ZNF679: variants seen among roughly 807,000 people sequenced by gnomAD.
The protein encoded by ZNF679 is zinc finger protein 679.
Under a neutral mutation model 13.4 loss-of-function variants are expected in ZNF679, and 10 were observed. The ratio of observed to expected loss-of-function variants is 0.75; its 90% CI spans 0.46 to 1.27. ZNF679 has a LOEUF of 1.27. Ranked by LOEUF, ZNF679 falls within the 50% of genes most tolerant of loss-of-function variation. ZNF679 has a pLI of 0.00. For missense variants in ZNF679, 525 were observed against 477.8 expected, an observed-to-expected ratio of 1.10 and a Z score of -0.92; for synonymous variants, 179 against 162.5, an observed-to-expected ratio of 1.10 and a Z score of -0.77.
At chr7:64,265,201 A>G (rs539208813) in intron 4 of ZNF679, among the ~76,000 whole-genome samples, 1 of 152,106 alleles carries the variant, frequency 6.6e-6, no homozygotes, top group African/African-American at 2.4e-5. Context: ...CACGATCTTT[A>G]TAATGCAGCT....
At chr7:64,239,006 C>G (rs1449488788) in intron 1 of ZNF679, among the ~76,000 whole-genome samples, 1 of 152,072 alleles carries the variant, frequency 6.6e-6, no homozygotes, top group Non-Finnish European at 1.5e-5. Context: ...TTATGTCACC[C>G]ATGCATATCC....
At chr7:64,241,950 T>G (rs55815634) in intron 1 of ZNF679, among the ~76,000 whole-genome samples, 1 of 152,220 alleles carries the variant, frequency 6.6e-6, no homozygotes, top group East Asian at 1.9e-4. Context: ...GGATAAGATT[T>G]AAAACCCCAC....
intron 4 of ZNF679, 87 bp from the exon 5 acceptor site, chr7:64,265,809 C>T: frequency 1.4e-6 from 2 of 1,444,018 alleles, no homozygotes; most frequent in Non-Finnish European, 1.8e-6. Flanking sequence ...TGCTAAAGTA[C>T]CTTGTATAAT....
chr7:64,230,262 G>A lies in ZNF679; in HGVS notation c.-91+1610G>A, dbSNP rs529782221. 1.6e-4 allele frequency among the ~76,000 whole-genome samples: 24 copies of A among 152,242 alleles called. No individual in the cohort carries two copies. In the South Asian group the frequency reaches 3.3e-3, roughly 21 times the overall value. On this transcript the variant is annotated intron_variant, in intron 1 of 4. Transcript: ENST00000421025. The stretch of plus-strand genomic sequence containing the variant: ...AGAAAAGGGCCAAGAGGCCGGGCGC[G>A]GTGGCTCACGCCTGTAATCCCAGCA...
chr7:64,230,813 A>T (rs1485525546), intron 1 of ZNF679, among the ~76,000 whole-genome samples: 1 of 152,220 alleles, frequency 6.6e-6, no homozygotes, highest in Non-Finnish European at 1.5e-5. Flanking sequence ...GGTGATCTGG[A>T]TTCCTGCATG....
intron 1 of ZNF679, among the ~76,000 whole-genome samples, chr7:64,231,956 CTA>C (rs1787645314): frequency 6.6e-6 from 1 of 152,212 alleles, no homozygotes; most frequent in South Asian, 2.1e-4. Context: ...TGAGTTGAGT[CTA>C]TGCATGCAAT....
Position 64,260,831 on chromosome 7 carries a change from C to G in ZNF679, c.167-3C>G, listed in dbSNP as rs1195511107. 6.3e-7 allele frequency: 1 copy of G among 1,592,694 alleles called. No individual in the cohort carries two copies. The highest frequency in any genetic ancestry group is 8.5e-7 in the Non-Finnish European group (1 of 1,174,100). On this transcript the variant is annotated splice_region_variant and splice_polypyrimidine_tract_variant and intron_variant, in intron 3 of 4. Coordinates refer to ENST00000421025, the MANE Select transcript of ZNF679 (RefSeq NM_153363.3). ...ATGTTACTTTTTTTTCTTAATAAAACAGGTATTGCTGTCTCTAAGCCAGAC... is the reference window on the plus strand; with the variant it reads ...ATGTTACTTTTTTTTCTTAATAAAAGAGGTATTGCTGTCTCTAAGCCAGAC...
At chr7:64,259,102 G>A (rs973523139) in intron 2 of ZNF679, among the ~76,000 whole-genome samples, 12 of 152,034 alleles carry the variant, frequency 7.9e-5, no homozygotes, top group Non-Finnish European at 1.6e-4. Context: ...AGTAGAGACA[G>A]GGTTTTACCA....
chr7:64,248,930 A>T (rs1206676048), intron 1 of ZNF679, 98 bp from the exon 2 acceptor site: 6 of 842,356 alleles, frequency 7.1e-6, no homozygotes, highest in Non-Finnish European at 1.1e-5. Context: ...TTATCCAATC[A>T]GGGGCCATAT....
At chr7:64,240,695 G>A (rs1787786617) in intron 1 of ZNF679, among the ~76,000 whole-genome samples, 1 of 152,194 alleles carries the variant, frequency 6.6e-6, no homozygotes, top group South Asian at 2.1e-4. Flanking sequence ...AGGTGAGACA[G>A]TGACTCATTT....
chr7:64,255,622 T>A lies in ZNF679; in HGVS notation c.40-4599T>A, dbSNP rs1026236955. On this transcript the variant is annotated intron_variant, in intron 2 of 4. Coordinates refer to ENST00000421025, the MANE Select transcript of ZNF679 (RefSeq NM_153363.3). ...CCCACCCATGATTTTTTTTATTTTT[T>A]TTTTGAGACAGAGTCTTGCTCTGTC... Among the ~76,000 whole-genome samples the A allele has an allele frequency of 3.7e-4, 56 of 151,802 alleles. 2 individuals carry two copies. The highest frequency in any genetic ancestry group is 1.2e-3 in the East Asian group (6 of 5,158).
intron 1 of ZNF679, among the ~76,000 whole-genome samples, chr7:64,230,255 C>G (rs977966990): frequency 1.3e-5 from 2 of 152,110 alleles, no homozygotes; most frequent in African/African-American, 2.4e-5. Context: ...GCCAAGAGGC[C>G]GGGCGCGGTG....
At position 64,266,425 on chromosome 7, in the gene ZNF679, A is replaced by G; in HGVS notation, c.792A>G (p.Gly264=). 14 of 1,613,020 alleles carry G rather than the reference A, an allele frequency of 8.7e-6. No homozygotes were observed. The highest frequency in any genetic ancestry group is 1.2e-5 in the Non-Finnish European group (14 of 1,179,466). Residue 264 remains glycine (G), a synonymous_variant, in exon 5 of 5, where the codon GGA becomes GGG. Transcript: ENST00000421025. ...TLTKHRRIHT[G]EKPYTCEECG... ...CTAAACATAGGAGAATTCATACTGG[A>G]GAAAAACCCTACACATGTGAAGAAT...
At chr7:64,263,117 T>C (rs1788100488) in intron 4 of ZNF679, among the ~76,000 whole-genome samples, 1 of 151,910 alleles carries the variant, frequency 6.6e-6, no homozygotes, top group Non-Finnish European at 1.5e-5. Context: ...TTACACGGGG[T>C]TTCTCACTCT....
chr7:64,262,057 T>C (rs1219682289), intron 4 of ZNF679, among the ~76,000 whole-genome samples: 2 of 152,138 alleles, frequency 1.3e-5, no homozygotes, highest in Non-Finnish European at 2.9e-5. Context: ...GGTTTCACCA[T>C]GTTGGTCAGG....
intron 1 of ZNF679, among the ~76,000 whole-genome samples, chr7:64,236,975 A>AAAG (rs1787733157): frequency 8.6e-4 from 14 of 16,276 alleles, no homozygotes; most frequent in African/African-American, 2.0e-3. Flanking sequence ...GAAAGAAAGA[A>AAAG]AAAGAAAGAA....
intron 2 of ZNF679, among the ~76,000 whole-genome samples, chr7:64,255,006 AAAAAAAAAAAAG>A (rs1787985736): frequency 1.3e-5 from 2 of 149,924 alleles, no homozygotes; most frequent in Admixed American, 6.7e-5. Context: ...TCTCAAAAAA[AAAAAAAAAAAAG>A]AAAAAAAATT....
At chr7:64,259,859 C>T (rs1274882787) in intron 2 of ZNF679, among the ~76,000 whole-genome samples, 1 of 151,430 alleles carries the variant, frequency 6.6e-6, no homozygotes, top group African/African-American at 2.4e-5. Flanking sequence ...ACCCAGGAGG[C>T]GTAGGTTTCA....
intron 2 of ZNF679, among the ~76,000 whole-genome samples, chr7:64,255,204 T>G (rs1206371640): frequency 1.3e-5 from 2 of 151,942 alleles, no homozygotes; most frequent in Non-Finnish European, 2.9e-5. Flanking sequence ...GACAGGGGAC[T>G]AAAAACTTAG....
Sources: gnomAD v4.1 joint callset for allele counts (sites outside exome capture counted in the v4.1 genomes callset) on GRCh38, gnomAD v4.1.1 for gene constraint, MANE v1.5 for transcripts, NCBI Gene and HGNC (gene_info 2026-07-23, HGNC 2026-07-21) for gene names.